The following FRY variants were observed in gnomAD, a reference collection of about 807,000 sequenced individuals.
FRY encodes the protein FRY microtubule binding protein.
A neutral mutation model predicts 348.4 loss-of-function variants in FRY; 128 were observed. That is an observed-to-expected ratio of 0.37 (90% CI 0.32 to 0.43). FRY has a LOEUF of 0.43. FRY is among the 20% of genes least tolerant of loss of function. The pLI is 1.00. For missense variants in FRY, 2,736 were observed against 3,695.2 expected (o/e 0.74, Z 6.73); for synonymous variants, 1,370 against 1,374.7 (o/e 1.00, Z 0.08).
intron 1 of FRY, among the ~76,000 whole-genome samples, chr13:32,034,809 A>C (rs1872425411): frequency 6.6e-6 from 1 of 152,074 alleles, no homozygotes; most frequent in Non-Finnish European, 1.5e-5. Context: ...CAGCCAACCA[A>C]GCTTAATCTA....
intron 20 of FRY, among the ~76,000 whole-genome samples, chr13:32,176,388 C>T (rs1326957660): frequency 6.6e-6 from 1 of 152,166 alleles, no homozygotes; most frequent in Non-Finnish European, 1.5e-5. Context: ...GTTGCTGATG[C>T]CTGATGTGCA....
chr13:32,175,521 G>A, intron 19 of FRY, 25 bp from the exon 20 acceptor site: 4 of 1,427,464 alleles, frequency 2.8e-6, no homozygotes, highest in African/African-American at 1.4e-5. Flanking sequence ...TTCCCATAGA[G>A]AGTAATCGCC....
chr13:32,257,682 A>T (rs1020196001), intron 51 of FRY, among the ~76,000 whole-genome samples: 4 of 152,242 alleles, frequency 2.6e-5, no homozygotes, highest in Non-Finnish European at 4.4e-5. Flanking sequence ...GTTGTCACAG[A>T]GGTAGAAAGC....
intron 20 of FRY, among the ~76,000 whole-genome samples, chr13:32,176,204 A>C (rs1882349136): frequency 1.3e-5 from 2 of 152,352 alleles, no homozygotes; most frequent in South Asian, 4.1e-4. Context: ...TTTTAAAAGC[A>C]CATTGGCAAC....
At chr13:32,265,180 C>T (rs567298303) in intron 53 of FRY, among the ~76,000 whole-genome samples, 1 of 152,216 alleles carries the variant, frequency 6.6e-6, no homozygotes, top group African/African-American at 2.4e-5. Flanking sequence ...GCGTTCATAC[C>T]CTATAAGCAT....
At chr13:32,186,115 A>G in intron 26 of FRY, 145 bp from the exon 27 acceptor site, 2 of 698,556 alleles carry the variant, frequency 2.9e-6, no homozygotes, top group East Asian at 5.1e-5. Flanking sequence ...ATGTGGCTTG[A>G]CTTTTTAAGT....
chr13:32,045,892 G>A (rs1207878699), intron 1 of FRY, among the ~76,000 whole-genome samples: 5 of 152,170 alleles, frequency 3.3e-5, no homozygotes, highest in Admixed American at 3.3e-4. Context: ...TTGAGGAAAG[G>A]CTTGCTGAAA....
intron 1 of FRY, among the ~76,000 whole-genome samples, chr13:32,052,788 T>C (rs1261882722): frequency 6.6e-6 from 1 of 152,252 alleles, no homozygotes; most frequent in African/African-American, 2.4e-5. Context: ...AGTTTTTAAG[T>C]TTGAATTTAA....
At chr13:32,273,617 C>G (rs1888332819) in intron 55 of FRY, among the ~76,000 whole-genome samples, 2 of 152,178 alleles carry the variant, frequency 1.3e-5, no homozygotes, top group Non-Finnish European at 1.5e-5. Context: ...GTTGAGACAC[C>G]TGACCAGACG....
rs373197949 is a variant in FRY, at chr13:32,089,794, G to C, written c.270+10761G>C. Among the ~76,000 whole-genome samples, 6 of 152,244 alleles carry C rather than the reference G, an allele frequency of 3.9e-5. No individual in the cohort carries two copies. In the East Asian group the frequency reaches 9.6e-4, roughly 24 times the overall value. On this transcript the variant is annotated intron_variant, in intron 2 of 60. Transcript: ENST00000542859. Reference sequence around the variant, plus strand: ...GAAAAAAAGAAGAAGGAATGTCTAAGAAGTAGGAGGAGAACAGATGGGAGG... The same window carrying C: ...GAAAAAAAGAAGAAGGAATGTCTAACAAGTAGGAGGAGAACAGATGGGAGG...
At chr13:32,037,303 A>C (rs1228781103) in intron 1 of FRY, among the ~76,000 whole-genome samples, 1 of 152,166 alleles carries the variant, frequency 6.6e-6, no homozygotes, top group Non-Finnish European at 1.5e-5. Context: ...AAAAAGCATG[A>C]ATGATGTTTA....
chr13:32,262,774 T>A (rs968587565), intron 53 of FRY, among the ~76,000 whole-genome samples: 15 of 152,234 alleles, frequency 9.9e-5, no homozygotes, highest in Admixed American at 6.5e-5. Context: ...GGTGTATGTC[T>A]GAGATGGCTG....
chr13:32,190,670 G>C (rs1299859102), intron 28 of FRY, among the ~76,000 whole-genome samples: 2 of 152,112 alleles, frequency 1.3e-5, no homozygotes, highest in Non-Finnish European at 2.9e-5. Context: ...GCATTAGTGA[G>C]AAAAATTAAA....
At chr13:32,091,562 G>A (rs2138587978) in intron 2 of FRY, among the ~76,000 whole-genome samples, 1 of 152,358 alleles carries the variant, frequency 6.6e-6, no homozygotes, top group South Asian at 2.1e-4. Context: ...GCGGCTGGGT[G>A]TAGATAGTTC....
intron 2 of FRY, among the ~76,000 whole-genome samples, chr13:32,094,185 C>A (rs950724939): frequency 3.9e-5 from 6 of 152,002 alleles, no homozygotes; most frequent in Non-Finnish European, 8.8e-5. Context: ...AGAAGCATAC[C>A]TTTACAGTTC....
intron 21 of FRY, 93 bp downstream of exon 21, chr13:32,178,529 C>A: frequency 7.4e-7 from 1 of 1,358,358 alleles, no homozygotes; most frequent in South Asian, 1.3e-5. Flanking sequence ...TGTTATCATC[C>A]CAATTTCTGA....
chr13:32,292,308 T>A (rs1265989083), intron 59 of FRY, among the ~76,000 whole-genome samples: 1 of 152,054 alleles, frequency 6.6e-6, no homozygotes, highest in Non-Finnish European at 1.5e-5. Context: ...TAGGTGAAAT[T>A]TACTCCTGGT....
chr13:32,117,222 T>TA, intron 3 of FRY, 112 bp from the exon 4 acceptor site: 1 of 940,388 alleles, frequency 1.1e-6, no homozygotes, highest in African/African-American at 1.6e-5. Flanking sequence ...AGGACTGTGA[T>TA]ACGGAAGAAA....
intron 43 of FRY, among the ~76,000 whole-genome samples, chr13:32,236,704 T>C (rs1886244993): frequency 6.6e-6 from 1 of 152,176 alleles, no homozygotes; most frequent in African/African-American, 2.4e-5. Context: ...TCTGTTTGTG[T>C]TATTGAGCTC....
Sources: allele counts gnomAD v4.1 joint callset (sites outside exome capture counted in the v4.1 genomes callset), GRCh38; gene constraint gnomAD v4.1.1; transcripts MANE v1.5; gene names NCBI Gene and HGNC (gene_info 2026-07-23, HGNC 2026-07-21).